Variants in PHACTR1 observed in about 807,000 individuals in gnomAD.
PHACTR1 encodes RPEL repeat containing 1.
A neutral mutation model predicts 69.2 loss-of-function variants in PHACTR1; 16 were observed. The ratio of observed to expected loss-of-function variants is 0.23; its 90% CI spans 0.16 to 0.35. The LOEUF (loss-of-function observed/expected upper bound fraction) is 0.35, where lower values mean the gene tolerates loss of function less well. Among genes scored for constraint, PHACTR1 ranks in the 10% least tolerant of loss-of-function variants. The pLI is 1.00. For synonymous variants in PHACTR1, 312 were observed against 284.5 expected (o/e 1.10, Z -0.97); for missense variants, 510 against 734.7 (o/e 0.69, Z 3.54).
Position 13,247,184 on chromosome 6 carries a change from G to C in PHACTR1, c.1391+16991G>C, listed in dbSNP as rs73357174. ...CTTTAGTGTCTTTGAAAAGAAATAG[G>C]TAGACAGATAAACAGTGGGTGCAGA... On this transcript the variant is annotated intron_variant, in intron 10 of 14. Transcript: ENST00000332995. 3.3e-3 allele frequency among the ~76,000 whole-genome samples: 502 copies of C among 152,188 alleles called. 3 individuals are homozygous for C. The highest frequency in any genetic ancestry group is 0.012 in the African/African-American group (479 of 41,542).
intron 4 of PHACTR1, among the ~76,000 whole-genome samples, chr6:12,935,209 A>T (rs1789305883): frequency 6.6e-6 from 1 of 152,110 alleles, no homozygotes; most frequent in Admixed American, 6.6e-5. Context: ...AAGGACCAAA[A>T]GTATGATGTA....
chr6:13,012,409 G>A (rs1273803051), intron 4 of PHACTR1, among the ~76,000 whole-genome samples: 1 of 152,240 alleles, frequency 6.6e-6, no homozygotes, highest in Non-Finnish European at 1.5e-5. Context: ...AATTAGCTTT[G>A]AGGAAGTTCC....
intron 4 of PHACTR1, among the ~76,000 whole-genome samples, chr6:12,922,047 A>G (rs1260866519): frequency 1.3e-5 from 2 of 152,208 alleles, no homozygotes; most frequent in African/African-American, 4.8e-5. Flanking sequence ...AAAGGAGATG[A>G]TCACTTTGCT....
chr6:13,025,073 T>C (rs2127676019), intron 4 of PHACTR1, among the ~76,000 whole-genome samples: 1 of 152,074 alleles, frequency 6.6e-6, no homozygotes, highest in East Asian at 1.9e-4. Flanking sequence ...CTGGGCAACA[T>C]AGTGAGACAC....
intron 5 of PHACTR1, among the ~76,000 whole-genome samples, chr6:13,102,671 T>C (rs759934648): frequency 6.6e-5 from 10 of 152,152 alleles, no homozygotes; most frequent in Non-Finnish European, 1.3e-4. Context: ...ACCTCAAGAA[T>C]GTACAAAATC....
chr6:12,905,991 A>G (rs1785686442), intron 4 of PHACTR1, among the ~76,000 whole-genome samples: 1 of 152,196 alleles, frequency 6.6e-6, no homozygotes, highest in African/African-American at 2.4e-5. Flanking sequence ...TGGTTTTGCA[A>G]GTTGCCTTTC....
rs143961942 is a variant in PHACTR1, at chr6:12,722,837, G to A, written c.103+3990G>A. On this transcript the variant is annotated intron_variant, in intron 3 of 14. Coordinates refer to ENST00000332995, the MANE Select transcript of PHACTR1 (RefSeq NM_030948.6). Reference sequence around the variant, plus strand: ...GGCTCTCTTGATTAACTAGTGAGTCGTTTGCCAATGGTAAATCCTAACACG... The same window carrying A: ...GGCTCTCTTGATTAACTAGTGAGTCATTTGCCAATGGTAAATCCTAACACG... 5.4e-4 allele frequency among the ~76,000 whole-genome samples: 82 copies of A among 152,246 alleles called. 1 individual carries two copies. The highest frequency in any genetic ancestry group is 1.7e-3 in the African/African-American group (72 of 41,536).
chr6:13,153,004 G>T (rs1219117835), intron 5 of PHACTR1, among the ~76,000 whole-genome samples: 2 of 152,142 alleles, frequency 1.3e-5, no homozygotes, highest in Non-Finnish European at 2.9e-5. Flanking sequence ...CTGAGGACAG[G>T]TGCACAGCGA....
chr6:13,076,940 G>GTT (rs1398897078), intron 5 of PHACTR1, among the ~76,000 whole-genome samples: 38 of 125,488 alleles, frequency 3.0e-4, no homozygotes, highest in Non-Finnish European at 5.1e-4. Context: ...TCTGGGGACT[G>GTT]CGGTGGGGTG....
intron 4 of PHACTR1, among the ~76,000 whole-genome samples, chr6:12,783,120 G>T (rs1452222451): frequency 6.6e-6 from 1 of 152,214 alleles, no homozygotes; most frequent in East Asian, 1.9e-4. Flanking sequence ...GCTGTCAACA[G>T]CCTGTTGCTT....
At chr6:12,792,059 C>T (rs1205834665) in intron 4 of PHACTR1, among the ~76,000 whole-genome samples, 1 of 152,260 alleles carries the variant, frequency 6.6e-6, no homozygotes. Context: ...TGTTAGTATA[C>T]ATGCAGGTAT....
At chr6:13,230,451 CAGG>C (rs1770679250) in intron 10 of PHACTR1, 2 of 651,654 alleles carry the variant, frequency 3.1e-6, no homozygotes, top group African/African-American at 3.9e-5. Context: ...GAGGCTGAGG[CAGG>C]AGGATTGCTT....
chr6:13,134,178 G>A (rs369292375), intron 5 of PHACTR1, among the ~76,000 whole-genome samples: 5 of 151,242 alleles, frequency 3.3e-5, no homozygotes, highest in African/African-American at 1.2e-4. Flanking sequence ...GCCCCCGCCC[G>A]GCCAGCCACC....
intron 4 of PHACTR1, among the ~76,000 whole-genome samples, chr6:13,025,693 G>C (rs936824068): frequency 6.6e-6 from 1 of 151,786 alleles, no homozygotes; most frequent in Non-Finnish European, 1.5e-5. Flanking sequence ...GTGTGTGTGT[G>C]TGTGTGTGTG....
At chr6:12,738,420 T>C (rs1764585737) in intron 3 of PHACTR1, among the ~76,000 whole-genome samples, 1 of 152,160 alleles carries the variant, frequency 6.6e-6, no homozygotes, top group East Asian at 1.9e-4. Flanking sequence ...GCCATGAAAA[T>C]ATCCCACCCA....
intron 4 of PHACTR1, among the ~76,000 whole-genome samples, chr6:12,903,965 G>T (rs143274416): frequency 6.6e-6 from 1 of 152,120 alleles, no homozygotes; most frequent in East Asian, 1.9e-4. Flanking sequence ...AACTTTTAAA[G>T]TCAATTCCTG....
At chr6:13,025,725 G>A (rs1801613646) in intron 4 of PHACTR1, among the ~76,000 whole-genome samples, 3 of 151,640 alleles carry the variant, frequency 2.0e-5, no homozygotes, top group African/African-American at 7.3e-5. Flanking sequence ...GTGTATGGGT[G>A]TGTATGGAAT....
chr6:13,173,730 T>C (rs1358691639), intron 6 of PHACTR1, among the ~76,000 whole-genome samples: 1 of 152,204 alleles, frequency 6.6e-6, no homozygotes, highest in East Asian at 1.9e-4. Context: ...GGTGTTTAGA[T>C]GGAGTTTCAC....
At chr6:13,042,134 G>T (rs763250634) in intron 4 of PHACTR1, among the ~76,000 whole-genome samples, 6 of 152,122 alleles carry the variant, frequency 3.9e-5, no homozygotes, top group Non-Finnish European at 8.8e-5. Context: ...ATTGTAATTC[G>T]ATTCTTTGAG....
Sources: allele counts gnomAD v4.1 joint callset (sites outside exome capture counted in the v4.1 genomes callset), GRCh38; gene constraint gnomAD v4.1.1; transcripts MANE v1.5; gene names NCBI Gene and HGNC (gene_info 2026-07-23, HGNC 2026-07-21).